Variants in MACROD2 observed in about 807,000 individuals in gnomAD.
MACROD2 encodes ADP-ribose glycohydrolase MACROD2.
A neutral mutation model predicts 70.4 loss-of-function variants in MACROD2; 36 were observed. The observed-to-expected ratio is 0.51, with a 90% CI of 0.39 to 0.68. The LOEUF (loss-of-function observed/expected upper bound fraction) is 0.68, where lower values mean the gene tolerates loss of function less well. Ranked by LOEUF, MACROD2 falls within the 30% of genes least tolerant of loss-of-function variation. The pLI, the probability that MACROD2 is intolerant of heterozygous loss-of-function variation, is 0.00. For synonymous variants in MACROD2, 172 were observed against 178.8 expected (o/e 0.96, Z 0.30); for missense variants, 496 against 538.4 (o/e 0.92, Z 0.78).
At chr20:15,915,513 A>C (rs936482893) in intron 10 of MACROD2, among the ~76,000 whole-genome samples, 2 of 152,204 alleles carry the variant, frequency 1.3e-5, no homozygotes, top group African/African-American at 4.8e-5. Context: ...TAGTGGTCAA[A>C]CCCACCTTTA....
intron 5 of MACROD2, among the ~76,000 whole-genome samples, chr20:14,979,066 A>G (rs1013877255): frequency 2.0e-5 from 3 of 150,454 alleles, no homozygotes; most frequent in African/African-American, 4.9e-5. Context: ...ATCCTTCGGC[A>G]TCAGCCTCCT....
In MACROD2 at chr20:15,409,716, C is replaced by CT. The variant is rs2046051477; in HGVS notation, c.541-21689_541-21688insT. ...AAGTTCCTAGAGGAGGGCTCCATCC[C>CT]CTTGGGATTCTTCTGATGGACTGCA... On this transcript the variant is annotated intron_variant, in intron 6 of 17. Coordinates refer to ENST00000684519, the MANE Select transcript of MACROD2 (RefSeq NM_001351661.2). 3.9e-5 allele frequency among the ~76,000 whole-genome samples: 6 copies of CT among 152,188 alleles called. No homozygotes were observed. In the South Asian group the frequency reaches 1.0e-3, roughly 26 times the overall value.
chr20:15,554,028 C>T (rs1173832889), intron 8 of MACROD2, among the ~76,000 whole-genome samples: 1 of 152,034 alleles, frequency 6.6e-6, no homozygotes, highest in African/African-American at 2.4e-5. Flanking sequence ...AAACAGGGAT[C>T]AGAAAAATAA....
intron 8 of MACROD2, among the ~76,000 whole-genome samples, chr20:15,779,751 G>GA (rs1354381726): frequency 6.6e-6 from 1 of 152,096 alleles, no homozygotes; most frequent in African/African-American, 2.4e-5. Context: ...TTCTGCCAGG[G>GA]AAAGATATAG....
At chr20:14,134,828 A>G (rs1250315702) in intron 3 of MACROD2, among the ~76,000 whole-genome samples, 1 of 146,108 alleles carries the variant, frequency 6.8e-6, no homozygotes, top group Admixed American at 6.9e-5. Flanking sequence ...AAAAACAGCT[A>G]CAAATTCATG....
intron 6 of MACROD2, among the ~76,000 whole-genome samples, chr20:15,314,225 C>A (rs966015199): frequency 6.6e-6 from 1 of 151,800 alleles, no homozygotes; most frequent in African/African-American, 2.4e-5. Flanking sequence ...TTTGTCAGCA[C>A]GCTGGAAAAC....
At chr20:16,006,502 C>T (rs2066790413) in intron 15 of MACROD2, among the ~76,000 whole-genome samples, 1 of 152,160 alleles carries the variant, frequency 6.6e-6, no homozygotes, top group African/African-American at 2.4e-5. Flanking sequence ...CCTGAATAGC[C>T]ACATGTATTG....
At chr20:14,850,078 G>T in intron 5 of MACROD2, 2 of 466,766 alleles carry the variant, frequency 4.3e-6, no homozygotes, top group South Asian at 3.2e-5. Flanking sequence ...CTCAATACTT[G>T]TGGCCAAAAT....
At chr20:14,347,886 G>T (rs896218844) in intron 3 of MACROD2, among the ~76,000 whole-genome samples, 1 of 152,182 alleles carries the variant, frequency 6.6e-6, no homozygotes, top group Admixed American at 6.6e-5. Context: ...GGTTTCTGGT[G>T]TGTATCCAGG....
At chr20:15,252,590 G>A (rs1272798047) in intron 6 of MACROD2, among the ~76,000 whole-genome samples, 2 of 152,156 alleles carry the variant, frequency 1.3e-5, no homozygotes, top group Admixed American at 6.5e-5. Context: ...CATTGAACAG[G>A]ACAGGGAGAC....
chr20:15,059,205 G>GA (rs2075511952), intron 5 of MACROD2, among the ~76,000 whole-genome samples: 1 of 152,016 alleles, frequency 6.6e-6, no homozygotes, highest in Non-Finnish European at 1.5e-5. Flanking sequence ...CCAACATGGT[G>GA]AAAACCATGT....
chr20:14,578,485 T>G (rs951767636), intron 4 of MACROD2, among the ~76,000 whole-genome samples: 1 of 152,200 alleles, frequency 6.6e-6, no homozygotes, highest in Non-Finnish European at 1.5e-5. Flanking sequence ...TAAATGTCAT[T>G]TATTTCTTTA....
intron 5 of MACROD2, among the ~76,000 whole-genome samples, chr20:15,188,548 C>T (rs892724574): frequency 9.9e-5 from 15 of 152,116 alleles, no homozygotes; most frequent in African/African-American, 3.1e-4. Flanking sequence ...TGTGAAAGCC[C>T]GTATTCTTCT....
chr20:15,953,102 G>T (rs898817267), intron 12 of MACROD2, among the ~76,000 whole-genome samples: 3 of 152,098 alleles, frequency 2.0e-5, no homozygotes, highest in African/African-American at 7.2e-5. Flanking sequence ...AGGGAAATGA[G>T]TCAGGAAAAG....
At chr20:15,744,690 GTA>G (rs1399609791) in intron 8 of MACROD2, among the ~76,000 whole-genome samples, 1 of 94,076 alleles carries the variant, frequency 1.1e-5, no homozygotes, top group Non-Finnish European at 2.0e-5. Context: ...CAGAAACCAA[GTA>G]TACACACACA....
At chr20:14,364,616 C>T (rs2083255421) in intron 3 of MACROD2, among the ~76,000 whole-genome samples, 1 of 152,208 alleles carries the variant, frequency 6.6e-6, no homozygotes, top group African/African-American at 2.4e-5. Context: ...GGTCCCTTCT[C>T]TCCTTCCCTT....
At chr20:14,909,973 C>G (rs986819558) in intron 5 of MACROD2, among the ~76,000 whole-genome samples, 1 of 152,080 alleles carries the variant, frequency 6.6e-6, no homozygotes, top group African/African-American at 2.4e-5. Context: ...CTTGGGCATG[C>G]GTTGTTTTCT....
intron 5 of MACROD2, among the ~76,000 whole-genome samples, chr20:14,836,088 A>AT (rs2073026595): frequency 6.6e-6 from 1 of 152,054 alleles, no homozygotes; most frequent in Non-Finnish European, 1.5e-5. Flanking sequence ...GACAAAAACA[A>AT]TCAAACAAAC....
intron 6 of MACROD2, among the ~76,000 whole-genome samples, chr20:15,242,369 G>T (rs2077067293): frequency 6.6e-6 from 1 of 152,170 alleles, no homozygotes; most frequent in Non-Finnish European, 1.5e-5. Context: ...ATACATTCCT[G>T]AGATAAATCC....
Sources: allele counts gnomAD v4.1 joint callset (sites outside exome capture counted in the v4.1 genomes callset), GRCh38; gene constraint gnomAD v4.1.1; transcripts MANE v1.5; gene names NCBI Gene and HGNC (gene_info 2026-07-23, HGNC 2026-07-21).